The following PRKCE variants were observed in gnomAD, a reference collection of about 807,000 sequenced individuals.
PRKCE encodes the protein protein kinase C epsilon type.
PRKCE carries 16 observed loss-of-function variants against 85.4 expected under a neutral mutation model. The observed-to-expected ratio is 0.19, with a 90% CI of 0.13 to 0.28. The LOEUF is 0.28. PRKCE is among the 10% of genes least tolerant of loss of function. PRKCE has a pLI of 1.00. For missense variants in PRKCE, 573 were observed against 975.2 expected (o/e 0.59, Z 5.49); for synonymous variants, 388 against 371.5 (o/e 1.04, Z -0.51).
intron 11 of PRKCE, among the ~76,000 whole-genome samples, chr2:46,131,945 C>CT (rs1168544688): frequency 1.3e-5 from 2 of 152,072 alleles, no homozygotes; most frequent in Non-Finnish European, 2.9e-5. Flanking sequence ...TCTGGAAAGT[C>CT]TTTTCTCAAA....
Position 46,145,367 on chromosome 2 carries a change from G to A in PRKCE, c.1731+136G>A. On this transcript the variant is annotated intron_variant, in intron 12 of 14. Coordinates refer to ENST00000306156, the MANE Select transcript of PRKCE (RefSeq NM_005400.3). This position sits in a 1 kb window ranked among gnomAD's most constrained non-coding sequence, Gnocchi z 4.6. ...CAGGATGGATTCTAGGAAGGAGGGA[G>A]AAAAGGAAAGGAAAAAAGTTTGCTG... 1 of 1,236,730 alleles carries A rather than the reference G, an allele frequency of 8.1e-7. No homozygotes were observed. The highest frequency in any genetic ancestry group is 1.5e-5 in the African/African-American group (1 of 66,652). The allele number at this position is 1,236,730 out of a possible 1,614,324, so 76.6% of individuals were successfully genotyped here.
At chr2:45,762,940 T>A (rs1684626800) in intron 1 of PRKCE, among the ~76,000 whole-genome samples, 1 of 137,906 alleles carries the variant, frequency 7.3e-6, no homozygotes, top group Non-Finnish European at 1.5e-5. Flanking sequence ...TTTCTTTTCT[T>A]TTCTTTTCTT....
chr2:46,026,375 G>A (rs1190444548), intron 10 of PRKCE, among the ~76,000 whole-genome samples: 2 of 152,196 alleles, frequency 1.3e-5, no homozygotes, highest in Non-Finnish European at 2.9e-5. Flanking sequence ...GGGAGTATGG[G>A]CAGTTAGACA....
At chr2:46,075,243 G>A (rs771710993) in intron 10 of PRKCE, among the ~76,000 whole-genome samples, 3 of 151,716 alleles carry the variant, frequency 2.0e-5, no homozygotes, top group Non-Finnish European at 4.4e-5. Flanking sequence ...GGGTTTCACC[G>A]TATTAGCCAG....
chr2:45,810,931 A>C (rs578005709), intron 1 of PRKCE, among the ~76,000 whole-genome samples: 1 of 152,296 alleles, frequency 6.6e-6, no homozygotes, highest in East Asian at 1.9e-4. Flanking sequence ...CCCAATCATC[A>C]TTTTTGTCCA....
chr2:46,046,675 G>C lies in PRKCE; in HGVS notation c.1437+36158G>C, dbSNP rs770937367. ...TAGCTGGTTGAAACTTTAAAAGTCA[G>C]TGGGGGAGGCGGAGTGTCAACTGTG... On this transcript the variant is annotated intron_variant, in intron 10 of 14. Coordinates refer to ENST00000306156, the MANE Select transcript of PRKCE (RefSeq NM_005400.3). Among the ~76,000 whole-genome samples the C allele has an allele frequency of 1.8e-4, 28 of 152,344 alleles. 1 individual carries two copies. The Middle Eastern group carries it at 0.014, about 74-fold the overall frequency.
chr2:45,947,363 A>G (rs1010765583), intron 2 of PRKCE, among the ~76,000 whole-genome samples: 1 of 152,034 alleles, frequency 6.6e-6, no homozygotes, highest in Admixed American at 6.6e-5. Context: ...AGGGTGTGGA[A>G]CTTCTGTTTG....
At chr2:45,837,815 A>G (rs1691012398) in intron 1 of PRKCE, among the ~76,000 whole-genome samples, 1 of 152,312 alleles carries the variant, frequency 6.6e-6, no homozygotes, top group African/African-American at 2.4e-5. Context: ...TTCAGGCTGC[A>G]GCCATGACGG....
chr2:45,833,095 A>T (rs1690567570), intron 1 of PRKCE, among the ~76,000 whole-genome samples: 2 of 150,280 alleles, frequency 1.3e-5, no homozygotes, highest in South Asian at 4.2e-4. Context: ...AGGTGGAAGG[A>T]TCTCTTGAGG....
At chr2:45,886,233 C>A (rs1695293033) in intron 2 of PRKCE, among the ~76,000 whole-genome samples, 1 of 152,204 alleles carries the variant, frequency 6.6e-6, no homozygotes, top group South Asian at 2.1e-4. Context: ...AGCTCTGGCT[C>A]CAGGTGACTC....
chr2:45,877,135 T>C (rs1210940905), intron 2 of PRKCE, among the ~76,000 whole-genome samples: 4 of 152,226 alleles, frequency 2.6e-5, no homozygotes, highest in African/African-American at 9.6e-5. Context: ...AGTAGGGAGT[T>C]ATTTCCTTTG....
chr2:45,752,886 A>T (rs1399835275), intron 1 of PRKCE, among the ~76,000 whole-genome samples: 3 of 151,920 alleles, frequency 2.0e-5, no homozygotes, highest in African/African-American at 7.3e-5. Flanking sequence ...GACCCATTTT[A>T]ATAGAGTTTG....
chr2:46,156,186 G>A (rs914704621), intron 13 of PRKCE, among the ~76,000 whole-genome samples: 3 of 150,404 alleles, frequency 2.0e-5, no homozygotes, highest in South Asian at 4.3e-4. Flanking sequence ...ATCAGGCCCC[G>A]CCTCCCCCTC....
intron 1 of PRKCE, among the ~76,000 whole-genome samples, chr2:45,721,435 A>T (rs1680608796): frequency 6.6e-6 from 1 of 152,200 alleles, no homozygotes; most frequent in Non-Finnish European, 1.5e-5. Flanking sequence ...ACTAGTTGTC[A>T]GGGGAGTGCA....
At chr2:45,916,028 T>C (rs1697744733) in intron 2 of PRKCE, among the ~76,000 whole-genome samples, 1 of 152,070 alleles carries the variant, frequency 6.6e-6, no homozygotes, top group Non-Finnish European at 1.5e-5. Context: ...GTGGTAGAAC[T>C]TGGAGAGTTT....
chr2:45,718,335 C>G (rs1459769554), intron 1 of PRKCE, among the ~76,000 whole-genome samples: 1 of 134,516 alleles, frequency 7.4e-6, no homozygotes, highest in African/African-American at 2.8e-5. Flanking sequence ...TTACCAAATG[C>G]TTACTTTTTT....
In PRKCE at chr2:46,118,212, C is replaced by A. The variant is rs537559528; in HGVS notation, c.1593-26881C>A. Among the ~76,000 whole-genome samples, 12 of 152,260 alleles carry A rather than the reference C, an allele frequency of 7.9e-5. No homozygotes were observed. The East Asian group carries it at 1.9e-3, about 24-fold the overall frequency. On this transcript the variant is annotated intron_variant, in intron 11 of 14. Coordinates refer to ENST00000306156, the MANE Select transcript of PRKCE (RefSeq NM_005400.3). ...ACTCCTTTGAGGTTGTTTAGAATGA[C>A]GACATCATTGTTTAACTTGAGCATG...
intron 2 of PRKCE, among the ~76,000 whole-genome samples, chr2:45,852,290 G>C (rs944065234): frequency 6.6e-6 from 1 of 152,188 alleles, no homozygotes; most frequent in Non-Finnish European, 1.5e-5. Context: ...ACAAAAACCC[G>C]TGACCTCTAC....
At chr2:45,699,450 GT>G (rs1678432932) in intron 1 of PRKCE, among the ~76,000 whole-genome samples, 1 of 152,178 alleles carries the variant, frequency 6.6e-6, no homozygotes, top group Admixed American at 6.5e-5. Flanking sequence ...GAGTGAATGA[GT>G]TAACCATGAG....
Sources: allele counts gnomAD v4.1 joint callset (sites outside exome capture counted in the v4.1 genomes callset), GRCh38; gene constraint gnomAD v4.1.1; non-coding constraint Gnocchi (gnomAD v3.1); transcripts MANE v1.5; gene names NCBI Gene and HGNC (gene_info 2026-07-23, HGNC 2026-07-21).